MAP7: variants seen among roughly 807,000 people sequenced by gnomAD.
The protein encoded by MAP7 is microtubule associated protein 7, also known as ensconsin.
MAP7 carries 52 observed loss-of-function variants against 94.8 expected under a neutral mutation model. That is an observed-to-expected ratio of 0.55 (90% CI 0.44 to 0.69). The LOEUF is 0.69. Ranked by LOEUF, MAP7 falls within the 30% of genes least tolerant of loss-of-function variation. The pLI is 0.00. For synonymous variants in MAP7, 350 were observed against 357.0 expected, an observed-to-expected ratio of 0.98 and a Z score of 0.22; for missense variants, 940 against 964.6, an observed-to-expected ratio of 0.97 and a Z score of 0.34.
At chr6:136,489,522 G>GTTT (rs1267617833) in intron 1 of MAP7, among the ~76,000 whole-genome samples, 1 of 124,318 alleles carries the variant, frequency 8.0e-6, no homozygotes. Flanking sequence ...GTAACATCAG[G>GTTT]TTTCTTTTTT....
chr6:136,418,876 C>T (rs1160040967), intron 2 of MAP7, among the ~76,000 whole-genome samples: 1 of 152,064 alleles, frequency 6.6e-6, no homozygotes, highest in African/African-American at 2.4e-5. Flanking sequence ...CTCATATTGT[C>T]CTTTGAGGAG....
chr6:136,534,584 G>C (rs1828731081), intron 1 of MAP7, among the ~76,000 whole-genome samples: 1 of 152,082 alleles, frequency 6.6e-6, no homozygotes, highest in Non-Finnish European at 1.5e-5. Flanking sequence ...AAAGTCAAAG[G>C]CTTATGTATC....
intron 1 of MAP7, among the ~76,000 whole-genome samples, chr6:136,469,182 TAGAA>T (rs1218721367): frequency 1.3e-5 from 2 of 152,146 alleles, no homozygotes. Context: ...GCCACTGTCA[TAGAA>T]AGAGGCATGA....
At chr6:136,447,543 TTTAAAA>T (rs1799717459) in intron 1 of MAP7, among the ~76,000 whole-genome samples, 1 of 152,240 alleles carries the variant, frequency 6.6e-6, no homozygotes, top group Non-Finnish European at 1.5e-5. Flanking sequence ...TCATAAATTT[TTTAAAA>T]ACTTAAACAG....
intron 1 of MAP7, among the ~76,000 whole-genome samples, chr6:136,485,480 A>C (rs1220551360): frequency 1.3e-5 from 2 of 152,066 alleles, no homozygotes; most frequent in Non-Finnish European, 2.9e-5. Flanking sequence ...AGGGGAAATC[A>C]AATTTAGAGG....
At chr6:136,527,744 C>T (rs1828109547) in intron 1 of MAP7, among the ~76,000 whole-genome samples, 1 of 152,170 alleles carries the variant, frequency 6.6e-6, no homozygotes, top group South Asian at 2.1e-4. Flanking sequence ...TCCAGTTCAA[C>T]TATCAATGCT....
At chr6:136,419,874 G>A (rs1031108855) in intron 2 of MAP7, 6 of 482,266 alleles carry the variant, frequency 1.2e-5, no homozygotes, top group African/African-American at 1.2e-4. Flanking sequence ...TTAAAGCTGT[G>A]TGTCAAGACT....
intron 1 of MAP7, among the ~76,000 whole-genome samples, chr6:136,514,580 C>CAAAAA (rs1046225937): frequency 1.6e-4 from 8 of 49,040 alleles, no homozygotes; most frequent in African/African-American, 2.6e-4. Flanking sequence ...GACTCTGTCT[C>CAAAAA]AAAAAAAAAA....
chr6:136,476,874 T>C (rs1333605994), intron 1 of MAP7, among the ~76,000 whole-genome samples: 2 of 152,196 alleles, frequency 1.3e-5, no homozygotes, highest in Non-Finnish European at 1.5e-5. Context: ...AAGTCTACAC[T>C]GATATAAACA....
intron 1 of MAP7, among the ~76,000 whole-genome samples, chr6:136,480,404 T>C (rs1812361874): frequency 6.6e-6 from 1 of 151,780 alleles, no homozygotes; most frequent in Non-Finnish European, 1.5e-5. Flanking sequence ...AAAGAAAATA[T>C]TGGGGAGATG....
intron 6 of MAP7, among the ~76,000 whole-genome samples, chr6:136,381,673 CT>C (rs1777774811): frequency 6.6e-6 from 1 of 151,990 alleles, no homozygotes; most frequent in African/African-American, 2.4e-5. Context: ...ATTGACAGTT[CT>C]TTGGTAAGGA....
At chr6:136,441,467 G>C (rs1373939814) in intron 1 of MAP7, among the ~76,000 whole-genome samples, 2 of 152,182 alleles carry the variant, frequency 1.3e-5, no homozygotes, top group Non-Finnish European at 2.9e-5. Context: ...TTTAGTAACT[G>C]TTTCCTTAGT....
intron 1 of MAP7, among the ~76,000 whole-genome samples, chr6:136,536,884 A>G (rs922330573): frequency 1.3e-5 from 2 of 152,262 alleles, no homozygotes; most frequent in Non-Finnish European, 2.9e-5. Flanking sequence ...AGCTTTGCAC[A>G]TTGTACAAGT....
chr6:136,545,079 G>A (rs145295139), intron 1 of MAP7: 4 of 152,218 alleles, frequency 2.6e-5, no homozygotes, highest in South Asian at 2.1e-4. Context: ...TAAATTAATC[G>A]TCTCTTCCTA....
intron 1 of MAP7, among the ~76,000 whole-genome samples, chr6:136,462,896 A>C (rs1406686321): frequency 2.0e-5 from 3 of 147,632 alleles, no homozygotes; most frequent in African/African-American, 7.5e-5. Flanking sequence ...TGGGAGGCAG[A>C]GGTTGCAGTG....
rs1781841006 is a variant in MAP7 at position 136,394,798 on chromosome 6, CAT to C, written c.245-5283_245-5282del. ...CATGAGATCACTTTTCTTTAGTTCC[CAT>C]ATATGAGTGAGAACATGCAATATTT... On this transcript the variant is annotated intron_variant, in intron 3 of 17. Coordinates refer to ENST00000354570, the MANE Select transcript of MAP7 (RefSeq NM_003980.6). Among the ~76,000 whole-genome samples, 3 of 150,892 alleles carry C rather than the reference CAT, an allele frequency of 2.0e-5. No individual in the cohort carries two copies. The South Asian group carries it at 6.3e-4, about 32-fold the overall frequency.
chr6:136,351,309 G>A (rs1011458362), intron 16 of MAP7, among the ~76,000 whole-genome samples: 1 of 151,998 alleles, frequency 6.6e-6, no homozygotes, highest in African/African-American at 2.4e-5. Context: ...GGGATACCAG[G>A]AACAAACCAA....
chr6:136,485,530 G>A (rs1172106452), intron 1 of MAP7, among the ~76,000 whole-genome samples: 2 of 146,354 alleles, frequency 1.4e-5, no homozygotes, highest in East Asian at 4.1e-4. Context: ...AAAGTTTGAT[G>A]ACTTAATGAT....
At chr6:136,373,517 C>T (rs1416317482) in intron 7 of MAP7, among the ~76,000 whole-genome samples, 1 of 152,210 alleles carries the variant, frequency 6.6e-6, no homozygotes, top group East Asian at 1.9e-4. Context: ...CCAAGGAACA[C>T]TGTCATGAAT....
Sources: gnomAD v4.1 joint callset for allele counts (sites outside exome capture counted in the v4.1 genomes callset) on GRCh38, gnomAD v4.1.1 for gene constraint, MANE v1.5 for transcripts, NCBI Gene and HGNC (gene_info 2026-07-23, HGNC 2026-07-21) for gene names.